The following NHSL1 variants were observed in gnomAD, a reference collection of about 807,000 sequenced individuals.
NHSL1 encodes NHS-like protein 1.
A neutral mutation model predicts 95.0 loss-of-function variants in NHSL1; 48 were observed. That is an observed-to-expected ratio of 0.51 (90% CI 0.40 to 0.64). The LOEUF (loss-of-function observed/expected upper bound fraction) is 0.64. Ranked by LOEUF, NHSL1 falls within the 30% of genes least tolerant of loss-of-function variation. NHSL1 has a pLI of 0.00. For missense variants in NHSL1, 1,971 were observed against 2,077.7 expected (o/e 0.95, Z 1.00); for synonymous variants, 783 against 833.9 (o/e 0.94, Z 1.05).
At chr6:138,595,560 G>A (rs1305106293) in intron 1 of NHSL1, among the ~76,000 whole-genome samples, 1 of 152,254 alleles carries the variant, frequency 6.6e-6, no homozygotes, top group African/African-American at 2.4e-5. Flanking sequence ...CTAGGCAACA[G>A]AGTGACACCC....
At chr6:138,664,967 A>C (rs1785276113) in intron 1 of NHSL1, among the ~76,000 whole-genome samples, 1 of 152,232 alleles carries the variant, frequency 6.6e-6, no homozygotes, top group South Asian at 2.1e-4. Flanking sequence ...AATGAAAAAA[A>C]ACTTGCTTCA....
At chr6:138,639,637 G>A (rs148832751) in intron 1 of NHSL1, among the ~76,000 whole-genome samples, 1,979 of 144,496 alleles carry the variant, frequency 0.014, 59 homozygotes, top group African/African-American at 0.049. Context: ...GTGAGACTCC[G>A]TCTCAAAAAA....
intron 2 of NHSL1, among the ~76,000 whole-genome samples, chr6:138,474,574 G>C (rs893435575): frequency 9.2e-5 from 14 of 152,090 alleles, no homozygotes; most frequent in Non-Finnish European, 1.6e-4. Flanking sequence ...ACAAAAATGA[G>C]GATCTGTTAG....
At chr6:138,580,089 G>A (rs959839040) in intron 1 of NHSL1, among the ~76,000 whole-genome samples, 17 of 152,266 alleles carry the variant, frequency 1.1e-4, no homozygotes, top group Admixed American at 3.9e-4. Flanking sequence ...TATCGAGTAC[G>A]TTTCCAAACA....
At chr6:138,646,050 A>C (rs1785016748) in intron 1 of NHSL1, among the ~76,000 whole-genome samples, 1 of 152,232 alleles carries the variant, frequency 6.6e-6, no homozygotes, top group South Asian at 2.1e-4. Context: ...TTACCATAGA[A>C]TCTTAGTACA....
intron 1 of NHSL1, among the ~76,000 whole-genome samples, chr6:138,557,256 C>T (rs1000707669): frequency 7.2e-5 from 11 of 152,182 alleles, no homozygotes; most frequent in South Asian, 2.1e-4. Flanking sequence ...CACTTATCAA[C>T]GGATCATTTT....
In NHSL1 at chr6:138,520,055, C is replaced by T. The variant is rs147278183; in HGVS notation, c.17-23684G>A. 1.6e-3 allele frequency among the ~76,000 whole-genome samples: 236 copies of T among 151,962 alleles called. 7 individuals carry two copies. The highest frequency in any genetic ancestry group is 0.012 in the Admixed American group (183 of 15,268). On this transcript the variant is annotated intron_variant, in intron 1 of 4. Coordinates refer to the NHSL1 transcript ENST00000342260. ...CATTCAGTATACAATTCATTATTGC[C>T]CAAATCCAATTGTTATGTGTTCTTT...
intron 2 of NHSL1, among the ~76,000 whole-genome samples, chr6:138,473,926 G>C (rs1778910851): frequency 2.0e-5 from 3 of 151,932 alleles, no homozygotes. Context: ...GGATTATAAT[G>C]CTCTCATTTT....
At chr6:138,528,172 A>G (rs193020248) in intron 1 of NHSL1, among the ~76,000 whole-genome samples, 10 of 152,332 alleles carry the variant, frequency 6.6e-5, no homozygotes, top group Non-Finnish European at 1.3e-4. Context: ...AGATGATTAC[A>G]TGATAAGCCT....
At chr6:138,564,981 T>C (rs1175872720) in intron 1 of NHSL1, among the ~76,000 whole-genome samples, 1 of 152,178 alleles carries the variant, frequency 6.6e-6, no homozygotes, top group Non-Finnish European at 1.5e-5. Context: ...GTCTGTATGC[T>C]AGTTCTGCAG....
chr6:138,585,486 A>T (rs1784121343), intron 1 of NHSL1, among the ~76,000 whole-genome samples: 1 of 152,246 alleles, frequency 6.6e-6, no homozygotes, highest in Non-Finnish European at 1.5e-5. Flanking sequence ...CTACAAAAAT[A>T]GCACAAATAT....
chr6:138,632,637 A>C (rs1009439682), intron 1 of NHSL1, among the ~76,000 whole-genome samples: 4 of 152,204 alleles, frequency 2.6e-5, no homozygotes, highest in Non-Finnish European at 4.4e-5. Flanking sequence ...CGAGTCTGAA[A>C]GAACCACAGT....
intron 1 of NHSL1, among the ~76,000 whole-genome samples, chr6:138,566,431 A>C (rs1267421452): frequency 1.4e-5 from 2 of 140,822 alleles, no homozygotes; most frequent in East Asian, 2.0e-4. Flanking sequence ...ATCAATCAAT[A>C]AAAAGTAAAC....
At chr6:138,621,439 C>T (rs1475405375) in intron 1 of NHSL1, among the ~76,000 whole-genome samples, 1 of 151,680 alleles carries the variant, frequency 6.6e-6, no homozygotes, top group Non-Finnish European at 1.5e-5. Context: ...AATTAAAATA[C>T]AATGAACTTC....
At chr6:138,634,361 A>T (rs181929883) in intron 1 of NHSL1, among the ~76,000 whole-genome samples, 1 of 152,206 alleles carries the variant, frequency 6.6e-6, no homozygotes, top group South Asian at 2.1e-4. Flanking sequence ...AAATGGATAG[A>T]AAAAGATATT....
chr6:138,581,724 GA>G (rs1227764403), intron 1 of NHSL1, among the ~76,000 whole-genome samples: 1 of 147,380 alleles, frequency 6.8e-6, no homozygotes, highest in Non-Finnish European at 1.5e-5. Context: ...AAAATTTCAG[GA>G]AAAAAAGTCA....
At chr6:138,682,487 T>C (rs1383343014) in intron 1 of NHSL1, among the ~76,000 whole-genome samples, 2 of 152,196 alleles carry the variant, frequency 1.3e-5, no homozygotes, top group African/African-American at 2.4e-5. Flanking sequence ...CAGATTTTCT[T>C]CCAGAAACAA....
intron 1 of NHSL1, among the ~76,000 whole-genome samples, chr6:138,532,528 G>T (rs1413050328): frequency 6.6e-6 from 1 of 152,104 alleles, no homozygotes; most frequent in Non-Finnish European, 1.5e-5. Flanking sequence ...GGATGGAATT[G>T]ACAAGAAGTA....
chr6:138,430,697 G>A lies in NHSL1; in HGVS notation c.3648C>T (p.Pro1216=), dbSNP rs200066129. The change falls in exon 6 of 8, where the codon CCC becomes CCT. Residue 1216 remains proline, a synonymous_variant. Coordinates refer to ENST00000343505, the MANE Select transcript of NHSL1 (RefSeq NM_001144060.2). This position sits in a 1 kb window ranked among gnomAD's most constrained non-coding sequence, Gnocchi z 4.7. ...PPPQKDFAVE[P]AENVSEALRA... ...GGAGGGCTTCGCTCACGTTCTCTGCGGGCTCCACTGCAAAATCTTTCTGCG... is the reference window on the plus strand; with the variant it reads ...GGAGGGCTTCGCTCACGTTCTCTGCAGGCTCCACTGCAAAATCTTTCTGCG... The A allele has an allele frequency of 1.1e-5, 17 of 1,551,682 alleles. No individual in the cohort carries two copies. Among genetic ancestry groups the A allele is most frequent in the South Asian group, 4.8e-5 (4 of 84,056 alleles).
Sources: gnomAD v4.1 joint callset for allele counts (sites outside exome capture counted in the v4.1 genomes callset) on GRCh38, gnomAD v4.1.1 for gene constraint, Gnocchi (gnomAD v3.1) non-coding constraint, MANE v1.5 for transcripts, NCBI Gene and HGNC (gene_info 2026-07-23, HGNC 2026-07-21) for gene names.